Variants in LGSN observed in about 807,000 individuals in gnomAD.
LGSN encodes lengsin, lens protein with glutamine synthetase domain, also known as lengsin.
In LGSN, 21 loss-of-function variants were observed where a neutral mutation model predicts 19.5. The ratio of observed to expected loss-of-function variants is 1.07; its 90% CI spans 0.76 to 1.55. The LOEUF (loss-of-function observed/expected upper bound fraction) is 1.55. Among genes scored for constraint, LGSN ranks in the 40% most tolerant of loss-of-function variants. The pLI is 0.00. For synonymous variants in LGSN, 257 were observed against 215.6 expected (o/e 1.19, Z -1.68); for missense variants, 673 against 608.5 (o/e 1.11, Z -1.12).
the LGSN span, among the ~76,000 whole-genome samples, chr6:63,538,108 G>A: frequency 6.6e-6 from 1 of 152,212 alleles, no homozygotes; most frequent in Admixed American, 6.5e-5. Flanking sequence ...GACATTAAAT[G>A]TACATGCAAA....
At chr6:63,548,232 T>C in the LGSN span, among the ~76,000 whole-genome samples, 21 of 152,248 alleles carry the variant, frequency 1.4e-4, no homozygotes, top group African/African-American at 5.1e-4. Flanking sequence ...TGTTATAATC[T>C]GAAGCCAGGC....
At chr6:63,412,521 AGAAAGAAG>A in the LGSN span, among the ~76,000 whole-genome samples, 355 of 90,258 alleles carry the variant, frequency 3.9e-3, 1 homozygote, top group African/African-American at 4.5e-3. Flanking sequence ...AAAGAAAGAA[AGAAAGAAG>A]GAAAGAAAGA....
At chr6:63,434,707 A>G in the LGSN span, among the ~76,000 whole-genome samples, 1 of 152,112 alleles carries the variant, frequency 6.6e-6, no homozygotes, top group African/African-American at 2.4e-5. Flanking sequence ...CTGGAGCAGT[A>G]AATACCCAAA....
chr6:63,365,060 G>A, the LGSN span, among the ~76,000 whole-genome samples: 1 of 151,490 alleles, frequency 6.6e-6, no homozygotes, highest in Non-Finnish European at 1.5e-5. Flanking sequence ...TCAAAAGCTA[G>A]CAGAAGACAA....
At chr6:63,408,776 A>C in the LGSN span, among the ~76,000 whole-genome samples, 1 of 152,104 alleles carries the variant, frequency 6.6e-6, no homozygotes, top group Non-Finnish European at 1.5e-5. Flanking sequence ...TTCGCAACCT[A>C]CTTATCTGAC....
At chr6:63,523,946 G>C in the LGSN span, among the ~76,000 whole-genome samples, 2 of 151,836 alleles carry the variant, frequency 1.3e-5, no homozygotes, top group African/African-American at 2.4e-5. Context: ...ATAAACAGTA[G>C]AAATAAATTA....
At chr6:63,396,435 TC>T in the LGSN span, 1 of 185,486 alleles carries the variant, frequency 5.4e-6, no homozygotes, top group African/African-American at 2.4e-5. Flanking sequence ...GCCTATAGCT[TC>T]TTTTGCCATA....
At chr6:63,528,375 C>T in the LGSN span, among the ~76,000 whole-genome samples, 1 of 151,390 alleles carries the variant, frequency 6.6e-6, no homozygotes, top group Non-Finnish European at 1.5e-5. Flanking sequence ...GTGGGAGAAT[C>T]GCTTGAGCCC....
the LGSN span, among the ~76,000 whole-genome samples, chr6:63,364,193 G>T: frequency 1.3e-5 from 2 of 151,994 alleles, no homozygotes; most frequent in East Asian, 1.9e-4. Flanking sequence ...CATCTCACAT[G>T]CAGAGACACA....
the LGSN span, chr6:63,441,152 T>G: frequency 5.1e-6 from 1 of 194,344 alleles, no homozygotes; most frequent in Non-Finnish European, 1.0e-5. Flanking sequence ...GAGGTTGCAG[T>G]GAGCCGAGAT....
chr6:63,368,500 A>G, the LGSN span, among the ~76,000 whole-genome samples: 12 of 152,154 alleles, frequency 7.9e-5, no homozygotes, highest in South Asian at 1.9e-3. Flanking sequence ...TTCTCAGCTC[A>G]CCACTTCCCC....
At chr6:63,386,509 C>A in the LGSN span, among the ~76,000 whole-genome samples, 1 of 152,150 alleles carries the variant, frequency 6.6e-6, no homozygotes, top group Non-Finnish European at 1.5e-5. Flanking sequence ...TTTCCAATCT[C>A]ATTTCCTGAT....
the LGSN span, among the ~76,000 whole-genome samples, chr6:63,495,297 G>A: frequency 6.6e-6 from 1 of 151,896 alleles, no homozygotes; most frequent in Admixed American, 6.6e-5. Context: ...TTCTAGATGA[G>A]GAAATGAGGC....
chr6:63,394,310 G>A, the LGSN span, among the ~76,000 whole-genome samples: 1 of 152,148 alleles, frequency 6.6e-6, no homozygotes, highest in African/African-American at 2.4e-5. Flanking sequence ...CAGTAAAGAA[G>A]CTGGTCAAAA....
the LGSN span, among the ~76,000 whole-genome samples, chr6:63,495,495 G>C: frequency 8.6e-6 from 1 of 116,894 alleles, no homozygotes; most frequent in Non-Finnish European, 1.7e-5. Flanking sequence ...GTCTCAGTCT[G>C]TAGCACAGGC....
At chr6:63,507,426 T>C in the LGSN span, among the ~76,000 whole-genome samples, 1 of 152,192 alleles carries the variant, frequency 6.6e-6, no homozygotes, top group African/African-American at 2.4e-5. Context: ...ATGGTCAAGC[T>C]GGATGCATAT....
chr6:63,441,410 G>C, the LGSN span: 2 of 464,472 alleles, frequency 4.3e-6, no homozygotes, highest in Admixed American at 5.1e-5. Context: ...GAAGTGGCTG[G>C]ACCTGAAGAA....
At chr6:63,490,297 A>C in the LGSN span, among the ~76,000 whole-genome samples, 1 of 152,304 alleles carries the variant, frequency 6.6e-6, no homozygotes, top group African/African-American at 2.4e-5. Flanking sequence ...AGAAACATTA[A>C]GAGGATTAGT....
the LGSN span, among the ~76,000 whole-genome samples, chr6:63,353,536 C>G: frequency 7.0e-6 from 1 of 142,736 alleles, no homozygotes; most frequent in Non-Finnish European, 1.5e-5. Context: ...ATTTTTCCTA[C>G]TTCATTAATA....
Sources: gnomAD v4.1 joint callset for allele counts (sites outside exome capture counted in the v4.1 genomes callset) on GRCh38, gnomAD v4.1.1 for gene constraint, MANE v1.5 for transcripts, NCBI Gene and HGNC (gene_info 2026-07-23, HGNC 2026-07-21) for gene names.